ZKSCAN5: variants seen among roughly 807,000 people sequenced by gnomAD.
ZKSCAN5 encodes zinc finger with KRAB and SCAN domains 5.
Under a neutral mutation model 60.0 loss-of-function variants are expected in ZKSCAN5, and 28 were observed. The observed-to-expected ratio is 0.47, with a 90% CI of 0.35 to 0.64. ZKSCAN5 has a LOEUF of 0.64. Ranked by LOEUF, ZKSCAN5 falls within the 30% of genes least tolerant of loss-of-function variation. The probability of loss-of-function intolerance (pLI) is 0.01; values close to 1 mark genes in which losing one functional copy is unlikely to be tolerated. For missense variants in ZKSCAN5, 881 were observed against 1,034.6 expected, an observed-to-expected ratio of 0.85 and a Z score of 2.04; for synonymous variants, 361 against 371.2, an observed-to-expected ratio of 0.97 and a Z score of 0.31.
intron 5 of ZKSCAN5, among the ~76,000 whole-genome samples, chr7:99,524,679 T>G (rs1432528054): frequency 6.6e-6 from 1 of 152,204 alleles, no homozygotes; most frequent in Non-Finnish European, 1.5e-5. Flanking sequence ...ACCTAGCTCT[T>G]GAAAGTAGTA....
chr7:99,531,302 C>A lies in ZKSCAN5; in HGVS notation c.1573C>A (p.Pro525Thr). Residue 525 changes from proline (P) to threonine (T), a missense_variant, in exon 7 of 7, where the codon CCA (proline) becomes ACA (threonine). Physicochemically the swap from Pro to Thr is conservative, Grantham distance 38. This residue lies in a region of ZKSCAN5 where 490 missense variants were observed against 554.5 expected (regional missense o/e 0.88). Coordinates refer to ENST00000326775, the MANE Select transcript of ZKSCAN5 (RefSeq NM_145102.4). ...TCCCATGAAAGAGATACTAGGACAA[C>A]CATCTTCAAAGAGGATGAACTACAG... is the stretch of plus-strand genomic sequence containing the variant. ...GIPMKEILGQ[P>T]SSKRMNYSEV... 6.2e-7 allele frequency: 1 copy of A among 1,614,154 alleles called. No homozygotes were observed. The highest frequency in any genetic ancestry group is 1.3e-5 in the African/African-American group (1 of 75,046).
At chr7:99,511,187 C>T (rs752621872) in intron 2 of ZKSCAN5, among the ~76,000 whole-genome samples, 3 of 152,184 alleles carry the variant, frequency 2.0e-5, no homozygotes, top group Admixed American at 6.5e-5. Context: ...GAGCTAGTAC[C>T]TTCCAGAATT....
chr7:99,520,299 C>T lies in ZKSCAN5; in HGVS notation c.767C>T (p.Ser256Phe). ...AAGGAGAACTATGGGAGTATTACTT[C>T]CATGGGTAAGGATTATTTCATCTGC... The part of the protein sequence containing the change: ...DRKENYGSIT[S>F]MGYESRDNME... The change falls in exon 5 of 7, where the codon TCC (serine) becomes TTC (phenylalanine). Residue 256 changes from serine to phenylalanine, a missense_variant. By Grantham distance (155) the Ser-to-Phe change is radical. Transcript: ENST00000326775. 1 of 1,611,966 alleles carries T rather than the reference C, an allele frequency of 6.2e-7. No homozygotes were observed. The highest frequency in any genetic ancestry group is 1.3e-5 in the African/African-American group (1 of 74,890).
chr7:99,508,325 A>G (rs1187587026), intron 2 of ZKSCAN5, among the ~76,000 whole-genome samples: 1 of 151,576 alleles, frequency 6.6e-6, no homozygotes, highest in Non-Finnish European at 1.5e-5. Context: ...TGTAATTTTG[A>G]TAGCTGTTGA....
chr7:99,512,694 T>C, intron 3 of ZKSCAN5, 103 bp downstream of exon 3: 1 of 1,434,678 alleles, frequency 7.0e-7, no homozygotes, highest in South Asian at 1.4e-5. Flanking sequence ...CTGAGCAGCC[T>C]CTCTACAGCC....
chr7:99,517,468 A>T (rs1205793358), intron 3 of ZKSCAN5, among the ~76,000 whole-genome samples: 1 of 151,920 alleles, frequency 6.6e-6, no homozygotes, highest in Non-Finnish European at 1.5e-5. Context: ...ATCAGTTGAG[A>T]CCAGGAGTTC....
intron 3 of ZKSCAN5, among the ~76,000 whole-genome samples, chr7:99,516,145 A>T (rs1449812241): frequency 6.6e-6 from 1 of 151,950 alleles, no homozygotes; most frequent in East Asian, 1.9e-4. Flanking sequence ...GCCTGGCCAC[A>T]TCTGGTCTTT....
At chr7:99,518,135 G>T (rs1801346921) in intron 3 of ZKSCAN5, among the ~76,000 whole-genome samples, 1 of 152,000 alleles carries the variant, frequency 6.6e-6, no homozygotes, top group African/African-American at 2.4e-5. Flanking sequence ...CTTATTAGAA[G>T]TGCAAACTAG....
chr7:99,509,667 C>T (rs149044022), intron 2 of ZKSCAN5, among the ~76,000 whole-genome samples: 9,798 of 151,448 alleles, frequency 0.065, 672 homozygotes, highest in East Asian at 0.31. Flanking sequence ...GGGGTTTCAC[C>T]GTGTTAGCCA....
At chr7:99,512,842 T>C (rs908527830) in intron 3 of ZKSCAN5, among the ~76,000 whole-genome samples, 4 of 151,852 alleles carry the variant, frequency 2.6e-5, no homozygotes, top group Non-Finnish European at 5.9e-5. Context: ...TTATTATTAT[T>C]ATACTTTAAG....
At chr7:99,524,325 C>T (rs968607064) in intron 5 of ZKSCAN5, among the ~76,000 whole-genome samples, 3 of 152,060 alleles carry the variant, frequency 2.0e-5, no homozygotes, top group Admixed American at 6.6e-5. Flanking sequence ...CCGCCTACCT[C>T]GACCTCCCAC....
At chr7:99,508,935 A>C (rs1037490110) in intron 2 of ZKSCAN5, among the ~76,000 whole-genome samples, 1 of 151,536 alleles carries the variant, frequency 6.6e-6, no homozygotes, top group Non-Finnish European at 1.5e-5. Flanking sequence ...CAGCCTCCCA[A>C]GTGGCTGGGA....
At chr7:99,505,641 T>A (rs1238532552) in intron 1 of ZKSCAN5, 1 of 173,872 alleles carries the variant, frequency 5.8e-6, no homozygotes, top group Non-Finnish European at 1.3e-5. Flanking sequence ...AAGTTCGTCT[T>A]ATGGTAGAGA....
chr7:99,524,590 C>T (rs1801692113), intron 5 of ZKSCAN5, among the ~76,000 whole-genome samples: 1 of 152,178 alleles, frequency 6.6e-6, no homozygotes, highest in South Asian at 2.1e-4. Flanking sequence ...AGTAAAGTAT[C>T]TTGCTGATAC....
At chr7:99,506,591 T>C (rs1004682992) in intron 2 of ZKSCAN5, 133 bp downstream of exon 2, 23 of 1,042,964 alleles carry the variant, frequency 2.2e-5, no homozygotes. Flanking sequence ...CCCTGTGACT[T>C]CCTGCCACTC....
chr7:99,528,664 C>T (rs922044735), intron 6 of ZKSCAN5, among the ~76,000 whole-genome samples: 7 of 152,106 alleles, frequency 4.6e-5, no homozygotes, highest in East Asian at 1.9e-4. Context: ...TAGGCTTAAG[C>T]GATCCTCCAG....
intron 1 of ZKSCAN5, 21 bp from the exon 2 acceptor site, chr7:99,505,984 G>A (rs1800704016): frequency 1.3e-6 from 2 of 1,563,930 alleles, no homozygotes; most frequent in Non-Finnish European, 8.7e-7. Flanking sequence ...ATATTAAAGA[G>A]CAGAAAAACA....
chr7:99,531,249 A>G lies in ZKSCAN5; in HGVS notation c.1520A>G (p.Gln507Arg), dbSNP rs1416155682. The G allele has an allele frequency of 1.9e-6, 3 of 1,614,218 alleles. No homozygotes were observed. The highest frequency in any genetic ancestry group is 4.5e-5 in the East Asian group (2 of 44,890). ...GATTTTGGAGAAGGCTGTGAGTTTC[A>G]AGGCAAGCTGGATAGAAAGCAGGGA... ...VQDFGEGCEFQGKLDRKQGIP... is the reference protein window; with the variant it reads ...VQDFGEGCEFRGKLDRKQGIP... The change falls in exon 7 of 7, where the codon CAA (glutamine) becomes CGA (arginine). Residue 507 changes from glutamine (Q) to arginine (R), a missense_variant. Gln to Arg is a conservative substitution (Grantham distance 43). Transcript: ENST00000326775.
Position 99,505,591 on chromosome 7 carries a change from G to C in ZKSCAN5, c.-40-414G>C, listed in dbSNP as rs192052762. 2.7e-3 allele frequency: 451 copies of C among 166,626 alleles called. 6 individuals carry two copies. The highest frequency in any genetic ancestry group is 0.013 in the Admixed American group (226 of 17,856). 10.3% of individuals were successfully genotyped at this position (166,626 alleles called of 1,614,324 possible). On this transcript the variant is annotated intron_variant, in intron 1 of 6. Transcript: ENST00000326775. The stretch of plus-strand genomic sequence containing the variant: ...TCTTGTAGCTTAGAGAACAGGCTCA[G>C]TTTTGACCATTATAATGATTTTCAC...
Sources: allele counts gnomAD v4.1 joint callset (sites outside exome capture counted in the v4.1 genomes callset), GRCh38; gene constraint gnomAD v4.1.1; regional missense constraint gnomAD v4.1.1; transcripts MANE v1.5; gene names NCBI Gene and HGNC (gene_info 2026-07-23, HGNC 2026-07-21).